PCDHGA4: variants seen among roughly 807,000 people sequenced by gnomAD.
The protein encoded by PCDHGA4 is protocadherin gamma subfamily A, 4, also known as protocadherin gamma-A4.
In PCDHGA4, 38 loss-of-function variants were observed where a neutral mutation model predicts 54.6. That is an observed-to-expected ratio of 0.70 (90% CI 0.54 to 0.91). The LOEUF is 0.91. Among genes scored for constraint, PCDHGA4 ranks in the 40% least tolerant of loss-of-function variants. The probability of loss-of-function intolerance (pLI) is 0.00; values close to 1 mark genes in which losing one functional copy is unlikely to be tolerated. For missense variants in PCDHGA4, 1,298 were observed against 1,220.9 expected, an observed-to-expected ratio of 1.06 and a Z score of -0.94; for synonymous variants, 511 against 512.9, an observed-to-expected ratio of 1.00 and a Z score of 0.05.
In PCDHGA4 at chr5:141,360,025, T is replaced by C. The variant is rs1336332149; in HGVS notation, c.2514+2404T>C. On this transcript the variant is annotated intron_variant, in intron 1 of 3. Transcript: ENST00000571252. ...AAACCAACCACACAGAGAAGGCCAGTATAGATTCGGAAACAGAAAACAAAA... is the reference window on the plus strand; with the variant it reads ...AAACCAACCACACAGAGAAGGCCAGCATAGATTCGGAAACAGAAAACAAAA... 12 of 1,338,564 alleles carry C rather than the reference T, an allele frequency of 9.0e-6. No individual in the cohort carries two copies. In the Admixed American group the frequency reaches 3.4e-4, roughly 38 times the overall value. 82.9% of individuals were successfully genotyped at this position (1,338,564 alleles called of 1,614,324 possible). A position where few individuals can be genotyped will look rare whatever the true frequency, so the allele number is the denominator to read the frequency against.
At chr5:141,421,435 A>G (rs775839500) in intron 1 of PCDHGA4, 3 of 1,614,108 alleles carry the variant, frequency 1.9e-6, no homozygotes, top group East Asian at 4.5e-5. Context: ...CATCGTCTCC[A>G]GAGGGAAGAC....
chr5:141,432,611 T>C lies in PCDHGA4; in HGVS notation c.2515-62196T>C, dbSNP rs141541670. On this transcript the variant is annotated intron_variant, in intron 1 of 3. Transcript: ENST00000571252. This position sits in a 1 kb window ranked among gnomAD's most constrained non-coding sequence, Gnocchi z 6.0. ...CAAGGCCAGCGAGCCGGGACTCTTC[T>C]CGGTGGGTCTGCACACGGGCGAGGT... The C allele has an allele frequency of 2.5e-6, 4 of 1,613,860 alleles. No homozygotes were observed. In the South Asian group the frequency reaches 4.4e-5, roughly 18 times the overall value.
chr5:141,481,182 G>T (rs2099533183), intron 1 of PCDHGA4, among the ~76,000 whole-genome samples: 1 of 152,180 alleles, frequency 6.6e-6, no homozygotes, highest in Non-Finnish European at 1.5e-5. Flanking sequence ...AGCTTTATTG[G>T]GCCAGGCCCA....
intron 1 of PCDHGA4, chr5:141,404,489 G>C: frequency 6.2e-7 from 1 of 1,613,796 alleles, no homozygotes; most frequent in Non-Finnish European, 8.5e-7. Flanking sequence ...AGACACTGGT[G>C]TGCTGTATGC....
In PCDHGA4 at chr5:141,485,111, G is replaced by C. The variant is rs2099607127; in HGVS notation, c.2515-9696G>C. On this transcript the variant is annotated intron_variant, in intron 1 of 3. Coordinates refer to ENST00000571252, the MANE Select transcript of PCDHGA4 (RefSeq NM_018917.4). The surrounding 1 kb of genome is among the most constrained non-coding windows in gnomAD (Gnocchi z 5.7). The stretch of plus-strand genomic sequence containing the variant: ...ATAGGTGTCTCCAGCTGCTGTGGCT[G>C]TTTGGGGCGGGTCGGCTTCATCCGC... 5.4e-6 allele frequency: 7 copies of C among 1,287,562 alleles called. No individual in the cohort carries two copies. The highest frequency in any genetic ancestry group is 7.8e-6 in the Non-Finnish European group (7 of 899,436). 79.8% of individuals were successfully genotyped at this position (1,287,562 alleles called of 1,614,324 possible). A position where few individuals can be genotyped will look rare whatever the true frequency, so the allele number is the denominator to read the frequency against.
At chr5:141,414,186 G>C in intron 1 of PCDHGA4, 1 of 1,609,824 alleles carries the variant, frequency 6.2e-7, no homozygotes, top group Non-Finnish European at 8.5e-7. Context: ...CTGCAAAAGT[G>C]TTGATTACAG....
intron 1 of PCDHGA4, chr5:141,370,299 G>A (rs914086562): frequency 8.6e-7 from 1 of 1,160,314 alleles, no homozygotes; most frequent in African/African-American, 1.5e-5. Flanking sequence ...CAAGCACAAA[G>A]ACAAAGCAAA....
At chr5:141,375,231 C>T in intron 1 of PCDHGA4, 1 of 1,613,964 alleles carries the variant, frequency 6.2e-7, no homozygotes, top group East Asian at 2.2e-5. Flanking sequence ...GGCCTGGTAA[C>T]CTGTTCCATC....
intron 1 of PCDHGA4, chr5:141,362,510 A>C: frequency 6.2e-7 from 1 of 1,613,948 alleles, no homozygotes; most frequent in Non-Finnish European, 8.5e-7. Flanking sequence ...CAAAATACAA[A>C]TCATGGAGCC....
At chr5:141,393,222 G>T (rs950133126) in intron 1 of PCDHGA4, 2 of 1,613,670 alleles carry the variant, frequency 1.2e-6, no homozygotes, top group East Asian at 2.2e-5. Flanking sequence ...CCAGGTCGAA[G>T]ATCTAGAAGT....
rs1263728099 is a variant in PCDHGA4, at chr5:141,476,079, G to T, written c.2515-18728G>T. Reference sequence around the variant, plus strand: ...AGTTTCTCAGCGAAATCTCAGGGACGATCTGGACCCCGCTGAGAGGAACTG... The same window carrying T: ...AGTTTCTCAGCGAAATCTCAGGGACTATCTGGACCCCGCTGAGAGGAACTG... On this transcript the variant is annotated intron_variant, in intron 1 of 3. Coordinates refer to ENST00000571252, the MANE Select transcript of PCDHGA4 (RefSeq NM_018917.4). This position sits in a 1 kb window ranked among gnomAD's most constrained non-coding sequence, Gnocchi z 7.6. 3 of 1,537,560 alleles carry T rather than the reference G, an allele frequency of 2.0e-6. No homozygotes were observed. Among genetic ancestry groups the T allele is most frequent in the African/African-American group, 1.4e-5 (1 of 72,808 alleles).
intron 1 of PCDHGA4, among the ~76,000 whole-genome samples, chr5:141,444,977 T>A (rs2098452876): frequency 1.3e-5 from 2 of 152,200 alleles, no homozygotes; most frequent in South Asian, 4.1e-4. Flanking sequence ...TTCAAATCCA[T>A]GAACATGGTA....
rs755090005 is a variant in PCDHGA4, at chr5:141,388,852, G to A, written c.2514+31231G>A. 1.9e-5 allele frequency: 31 copies of A among 1,613,990 alleles called. 1 individual carries two copies. The South Asian group carries it at 3.0e-4, about 15-fold the overall frequency. On this transcript the variant is annotated intron_variant, in intron 1 of 3. Coordinates refer to ENST00000571252, the MANE Select transcript of PCDHGA4 (RefSeq NM_018917.4). ...ATAGTTTTGGAAGCAAGGGACGGTG[G>A]AGGAATGATTGCGCAATGCACAGTG...
At chr5:141,433,605 G>C (rs1411907056) in intron 1 of PCDHGA4, among the ~76,000 whole-genome samples, 1 of 152,114 alleles carries the variant, frequency 6.6e-6, no homozygotes. Context: ...GGAGGCCGAG[G>C]CGGGTGGATC....
intron 1 of PCDHGA4, chr5:141,365,543 T>G: frequency 6.2e-7 from 1 of 1,613,830 alleles, no homozygotes; most frequent in Non-Finnish European, 8.5e-7. Context: ...CTATCACCTA[T>G]TAACAACTAG....
intron 1 of PCDHGA4, among the ~76,000 whole-genome samples, chr5:141,483,599 G>A (rs1419379218): frequency 6.6e-6 from 1 of 152,048 alleles, no homozygotes; most frequent in African/African-American, 2.4e-5. Flanking sequence ...GGTCAGGCTG[G>A]TTTACACCTC....
intron 1 of PCDHGA4, among the ~76,000 whole-genome samples, chr5:141,445,544 T>C (rs1223868698): frequency 6.6e-6 from 1 of 152,126 alleles, no homozygotes; most frequent in Non-Finnish European, 1.5e-5. Context: ...CAAGGAGAAA[T>C]ACAAAAGCAC....
intron 1 of PCDHGA4, chr5:141,402,983 G>A (rs748129276): frequency 6.2e-6 from 10 of 1,609,166 alleles, no homozygotes; most frequent in African/African-American, 1.3e-5. Flanking sequence ...CCAGCTCCGC[G>A]GAAGATTAGT....
intron 1 of PCDHGA4, chr5:141,361,092 C>A: frequency 1.2e-6 from 2 of 1,613,938 alleles, no homozygotes; most frequent in Non-Finnish European, 1.7e-6. Context: ...CTCTGAGTAT[C>A]GAAGCAAAAG....
Sources: gnomAD v4.1 joint callset for allele counts (sites outside exome capture counted in the v4.1 genomes callset) on GRCh38, gnomAD v4.1.1 for gene constraint, Gnocchi (gnomAD v3.1) non-coding constraint, MANE v1.5 for transcripts, NCBI Gene and HGNC (gene_info 2026-07-23, HGNC 2026-07-21) for gene names.